MDN1: variants seen among roughly 807,000 people sequenced by gnomAD.
MDN1 encodes midasin.
Under a neutral mutation model 669.2 loss-of-function variants are expected in MDN1, and 266 were observed. The observed-to-expected ratio is 0.40, with a 90% CI of 0.36 to 0.44. MDN1 has a LOEUF of 0.44. Among genes scored for constraint, MDN1 ranks in the 20% least tolerant of loss-of-function variants. The pLI is 1.00. For synonymous variants in MDN1, 2,385 were observed against 2,457.1 expected (o/e 0.97, Z 0.87); for missense variants, 5,940 against 6,754.0 (o/e 0.88, Z 4.22).
chr6:89,754,032 C>A, intron 21 of MDN1, 51 bp downstream of exon 21: 1 of 1,579,840 alleles, frequency 6.3e-7, no homozygotes. Flanking sequence ...CCTTCCTTCC[C>A]ATGAACCCAT....
At chr6:89,659,050 A>G in intron 88 of MDN1, 133 bp from the exon 89 acceptor site, 1 of 851,874 alleles carries the variant, frequency 1.2e-6, no homozygotes. Flanking sequence ...TGTGACCCAC[A>G]GGCCAAATCT....
Position 89,720,114 on chromosome 6 carries a change from AAAT to A in MDN1, c.5968-892_5968-890del, listed in dbSNP as rs143439442. On this transcript the variant is annotated intron_variant, in intron 40 of 101. Transcript: ENST00000369393. Reference sequence around the variant, plus strand: ...ATACTACAATGAAGTTAAAAAATAAAAATAATATAGATAAAATCATAATCAGTG... The same window carrying A: ...ATACTACAATGAAGTTAAAAAATAAAAATATAGATAAAATCATAATCAGTG... Among the ~76,000 whole-genome samples the A allele has an allele frequency of 6.1e-3, 931 of 152,300 alleles. 25 individuals carry two copies. The East Asian group carries it at 0.094, about 15-fold the overall frequency.
intron 20 of MDN1, among the ~76,000 whole-genome samples, chr6:89,754,497 T>C (rs1159042146): frequency 1.3e-5 from 2 of 152,178 alleles, no homozygotes; most frequent in Admixed American, 6.5e-5. Context: ...AAAAAGGTAC[T>C]GATAAAGAGA....
At chr6:89,751,713 G>A in intron 22 of MDN1, 131 bp from the exon 23 acceptor site, 1 of 929,998 alleles carries the variant, frequency 1.1e-6, no homozygotes, top group Non-Finnish European at 1.6e-6. Context: ...AAAACTGGAT[G>A]AAATATGAAC....
chr6:89,776,318 G>A (rs62415983), intron 12 of MDN1, among the ~76,000 whole-genome samples: 26,957 of 151,964 alleles, frequency 0.18, 2,441 homozygotes, highest in East Asian at 0.22. Context: ...GAAATTAGCT[G>A]GGTGTGGTGG....
chr6:89,648,028 T>C lies in MDN1; in HGVS notation c.16395+4A>G, dbSNP rs1359594305. The C allele has an allele frequency of 6.2e-7, 1 of 1,602,164 alleles. No individual in the cohort carries two copies. The highest frequency in any genetic ancestry group is 1.3e-5 in the African/African-American group (1 of 74,690). ...GCAGAAGACATTTTATTTCATCCTC[T>C]TACCTGAGCAATCTTGGTTTTCTTT... On this transcript the variant is annotated splice_donor_region_variant and intron_variant, in intron 99 of 101. Transcript: ENST00000369393.
At chr6:89,751,647 G>T (rs1378864209) in intron 22 of MDN1, 65 bp from the exon 23 acceptor site, 1 of 1,527,536 alleles carries the variant, frequency 6.5e-7, no homozygotes, top group Non-Finnish European at 8.9e-7. Context: ...AGGGCATAAA[G>T]TAGGAAAACA....
intron 82 of MDN1, among the ~76,000 whole-genome samples, chr6:89,671,678 C>T (rs1374946589): frequency 3.9e-5 from 6 of 152,052 alleles, no homozygotes; most frequent in Non-Finnish European, 8.8e-5. Context: ...AGAATGAGAC[C>T]GTGTCCCAAA....
At chr6:89,694,207 T>C (rs1173592018) in intron 61 of MDN1, 24 bp from the exon 62 acceptor site, 1 of 1,576,482 alleles carries the variant, frequency 6.3e-7, no homozygotes, top group African/African-American at 1.3e-5. Context: ...GAGAAGTTAG[T>C]CCACTGTGTC....
rs113859515 is a variant in MDN1 at position 89,770,378 on chromosome 6, G to A, written c.2144+1183C>T. ...GAGATCGCGCCACCGCACTCCAGCC[G>A]TGACAGAGCAAGACTCTGTCTCAAA... is the stretch of plus-strand genomic sequence containing the variant. On this transcript the variant is annotated intron_variant, in intron 15 of 101. Transcript: ENST00000369393. Among the ~76,000 whole-genome samples the A allele has an allele frequency of 7.9e-3, 1,167 of 148,510 alleles. 17 individuals are homozygous for A. The highest frequency in any genetic ancestry group is 0.028 in the African/African-American group (1,112 of 40,244).
At chr6:89,812,989 G>A (rs1481739162) in intron 1 of MDN1, among the ~76,000 whole-genome samples, 1 of 151,644 alleles carries the variant, frequency 6.6e-6, no homozygotes, top group Non-Finnish European at 1.5e-5. Flanking sequence ...TGCCCAGGCT[G>A]GAGTGCAATG....
intron 73 of MDN1, among the ~76,000 whole-genome samples, chr6:89,682,699 TAAAAAAAAA>T (rs143107841): frequency 2.1e-4 from 20 of 96,856 alleles, no homozygotes; most frequent in East Asian, 4.6e-4. Context: ...GACTCTGTCT[TAAAAAAAAA>T]AAAAAAAAAA....
chr6:89,748,153 C>T (rs1042037086), intron 26 of MDN1, among the ~76,000 whole-genome samples: 19 of 152,002 alleles, frequency 1.2e-4, no homozygotes, highest in Non-Finnish European at 2.2e-4. Flanking sequence ...GGTGAAACCC[C>T]GTCTCTACTA....
chr6:89,751,396 T>C (rs1475456230), intron 23 of MDN1, 35 bp downstream of exon 23: 1 of 1,613,316 alleles, frequency 6.2e-7, no homozygotes, highest in Non-Finnish European at 8.5e-7. Flanking sequence ...TATGCCTGTA[T>C]CAAGTTCGGG....
intron 48 of MDN1, 138 bp downstream of exon 48, chr6:89,712,437 A>C: frequency 2.7e-5 from 27 of 1,014,282 alleles, no homozygotes; most frequent in Non-Finnish European, 4.0e-5. Context: ...GCAATATCAC[A>C]ATGAACAATA....
intron 33 of MDN1, among the ~76,000 whole-genome samples, chr6:89,735,820 G>A (rs769076142): frequency 6.6e-6 from 1 of 152,120 alleles, no homozygotes; most frequent in Non-Finnish European, 1.5e-5. Context: ...AAGAGATCGA[G>A]ACCATCCTTG....
At position 89,740,961 on chromosome 6, in the gene MDN1, G is replaced by A. The variant is rs933350288; in HGVS notation, c.4449-583C>T. ...AAAACTGGATTGTAGGCCGGGCGCA[G>A]TGACTCTCGCCTGTAATCCCAGCAC... On this transcript the variant is annotated intron_variant, in intron 31 of 101. Transcript: ENST00000369393. 2.0e-5 allele frequency among the ~76,000 whole-genome samples: 3 copies of A among 152,254 alleles called. No homozygotes were observed. In the South Asian group the frequency reaches 6.2e-4, roughly 31 times the overall value.
chr6:89,818,807 CA>C (rs547839111), intron 1 of MDN1, among the ~76,000 whole-genome samples: 7,395 of 99,616 alleles, frequency 0.074, 180 homozygotes, highest in South Asian at 0.16. Context: ...GACTCCGTCT[CA>C]AAAAAAAAAA....
chr6:89,775,698 T>C (rs1818320699), intron 12 of MDN1, among the ~76,000 whole-genome samples: 1 of 152,186 alleles, frequency 6.6e-6, no homozygotes, highest in Admixed American at 6.5e-5. Flanking sequence ...TGGTTGGTTT[T>C]TATCAGAGAA....
Sources: gnomAD v4.1 joint callset for allele counts (sites outside exome capture counted in the v4.1 genomes callset) on GRCh38, gnomAD v4.1.1 for gene constraint, MANE v1.5 for transcripts, NCBI Gene and HGNC (gene_info 2026-07-23, HGNC 2026-07-21) for gene names.